SNTG1: variants seen among roughly 807,000 people sequenced by gnomAD.
SNTG1 encodes gamma-1-syntrophin.
Under a neutral mutation model 74.7 loss-of-function variants are expected in SNTG1, and 39 were observed. The ratio of observed to expected loss-of-function variants is 0.52; its 90% CI spans 0.40 to 0.68. The LOEUF (loss-of-function observed/expected upper bound fraction) is 0.68. SNTG1 is among the 30% of genes least tolerant of loss of function. The pLI is 0.00. For missense variants in SNTG1, 685 were observed against 609.5 expected, an observed-to-expected ratio of 1.12 and a Z score of -1.30; for synonymous variants, 254 against 217.1, an observed-to-expected ratio of 1.17 and a Z score of -1.49.
At chr8:50,501,861 A>G (rs2093961317) in intron 8 of SNTG1, among the ~76,000 whole-genome samples, 1 of 152,034 alleles carries the variant, frequency 6.6e-6, no homozygotes, top group African/African-American at 2.4e-5. Context: ...AACAAGATAT[A>G]TTTCCATGTT....
intron 15 of SNTG1, among the ~76,000 whole-genome samples, chr8:50,658,997 ATGTT>A (rs1184833941): frequency 4.6e-4 from 69 of 151,504 alleles, no homozygotes; most frequent in South Asian, 8.3e-4. Flanking sequence ...GGTTGTTACC[ATGTT>A]TTTTTTTTTA....
chr8:50,267,663 A>G (rs1444302367), intron 2 of SNTG1, among the ~76,000 whole-genome samples: 3 of 152,186 alleles, frequency 2.0e-5, no homozygotes, highest in Non-Finnish European at 4.4e-5. Flanking sequence ...TCAAAAGTCA[A>G]TCTATGTAAT....
rs1011986720 is a variant in SNTG1 at position 50,475,801 on chromosome 8, G to A, written c.363+25072G>A. ...GAAAATGTGACAACATAATATAAATGCATTACAAAGAAAGTGCTGACTTTG... is the reference window on the plus strand; with the variant it reads ...GAAAATGTGACAACATAATATAAATACATTACAAAGAAAGTGCTGACTTTG... On this transcript the variant is annotated intron_variant, in intron 8 of 18. Coordinates refer to ENST00000642720, the MANE Select transcript of SNTG1 (RefSeq NM_018967.5). Among the ~76,000 whole-genome samples the A allele has an allele frequency of 7.9e-5, 12 of 152,208 alleles. No individual in the cohort carries two copies. The South Asian group carries it at 2.5e-3, about 32-fold the overall frequency.
At chr8:50,362,980 G>A (rs934844269) in intron 2 of SNTG1, among the ~76,000 whole-genome samples, 1 of 152,000 alleles carries the variant, frequency 6.6e-6, no homozygotes, top group African/African-American at 2.4e-5. Flanking sequence ...GAGAAAGGAT[G>A]GAAAATGAAA....
At chr8:50,071,747 G>C (rs1036523954) in intron 1 of SNTG1, among the ~76,000 whole-genome samples, 1 of 151,500 alleles carries the variant, frequency 6.6e-6, no homozygotes, top group African/African-American at 2.4e-5. Flanking sequence ...CAAAGTGCTG[G>C]GGTTACAGGC....
At chr8:49,911,244 A>G (rs926990090), upstream of SNTG1, 1 of 152,142 alleles carries the variant, frequency 6.6e-6, no homozygotes, top group African/African-American at 2.4e-5. Context: ...GTTTTCCAAA[A>G]TATTCCTTTT....
At chr8:50,565,374 T>C (rs1333071986) in intron 12 of SNTG1, among the ~76,000 whole-genome samples, 1 of 152,022 alleles carries the variant, frequency 6.6e-6, no homozygotes, top group Non-Finnish European at 1.5e-5. Flanking sequence ...TCATAATAAA[T>C]GTGTCATTGT....
intron 1 of SNTG1, among the ~76,000 whole-genome samples, chr8:50,005,243 G>A (rs1815105259): frequency 6.6e-6 from 1 of 151,760 alleles, no homozygotes; most frequent in Non-Finnish European, 1.5e-5. Context: ...GAGCATAACA[G>A]ACATATCATC....
chr8:50,531,119 C>A (rs1416128877), intron 10 of SNTG1, among the ~76,000 whole-genome samples: 1 of 152,178 alleles, frequency 6.6e-6, no homozygotes, highest in Non-Finnish European at 1.5e-5. Context: ...TCAAAGCAAT[C>A]TTTTTGAACA....
At chr8:50,763,648 T>C (rs913723114) in intron 18 of SNTG1, among the ~76,000 whole-genome samples, 1 of 117,096 alleles carries the variant, frequency 8.5e-6, no homozygotes, top group Non-Finnish European at 1.7e-5. Flanking sequence ...ATTGCCTTTA[T>C]TGTGTGTGTG....
chr8:50,624,375 GT>G (rs2094943460), intron 13 of SNTG1, among the ~76,000 whole-genome samples: 1 of 150,670 alleles, frequency 6.6e-6, no homozygotes, highest in African/African-American at 2.4e-5. Flanking sequence ...TTATAATTTT[GT>G]TTGGCAGCTC....
At chr8:50,781,356 A>C (rs967371774) in intron 18 of SNTG1, among the ~76,000 whole-genome samples, 1 of 151,936 alleles carries the variant, frequency 6.6e-6, no homozygotes, top group Admixed American at 6.6e-5. Flanking sequence ...TTTGTAGGTC[A>C]CTCAGGACTT....
chr8:50,734,745 GTATATAGATATCTATATATATGGACATA>G lies in SNTG1; in HGVS notation c.1285-17193_1285-17166del, dbSNP rs1563792172. Among the ~76,000 whole-genome samples, 180 of 72,540 alleles carry G rather than the reference GTATATAGATATCTATATATATGGACATA, an allele frequency of 2.5e-3. 2 individuals are homozygous for G. Among genetic ancestry groups the G allele is most frequent in the Middle Eastern group, 7.9e-3 (1 of 126 alleles). 47.6% of individuals were successfully genotyped at this position (72,540 alleles called of 152,430 possible). A position where few individuals can be genotyped will look rare whatever the true frequency, so the allele number is the denominator to read the frequency against. On this transcript the variant is annotated intron_variant, in intron 17 of 18. Coordinates refer to ENST00000642720, the MANE Select transcript of SNTG1 (RefSeq NM_018967.5). ...ATTATATATCTATATATATGGACAT[GTATATAGATATCTATATATATGGACATA>G]TATATAGATATCTATATATATGGAC... is the stretch of plus-strand genomic sequence containing the variant.
At chr8:50,011,382 G>T (rs992201484) in intron 1 of SNTG1, among the ~76,000 whole-genome samples, 2 of 152,172 alleles carry the variant, frequency 1.3e-5, no homozygotes, top group Non-Finnish European at 2.9e-5. Context: ...TTAGCCCAAT[G>T]CAGGGAGGTG....
intron 2 of SNTG1, among the ~76,000 whole-genome samples, chr8:50,321,347 A>C (rs1055066215): frequency 6.6e-6 from 1 of 151,912 alleles, no homozygotes; most frequent in Admixed American, 6.6e-5. Context: ...TAAGTGTAGC[A>C]ACTCCTCCTC....
intron 2 of SNTG1, chr8:50,380,892 G>C (rs1277975741): frequency 6.6e-6 from 1 of 152,204 alleles, no homozygotes; most frequent in Non-Finnish European, 1.5e-5. Flanking sequence ...CACATCTGAT[G>C]ATGTGACAGT....
At chr8:50,398,927 G>A (rs1420678698) in intron 3 of SNTG1, among the ~76,000 whole-genome samples, 2 of 152,080 alleles carry the variant, frequency 1.3e-5, no homozygotes, top group Non-Finnish European at 2.9e-5. Context: ...GCGAAACTCT[G>A]TCTCAAGAAA....
At chr8:50,714,582 A>G (rs187927825) in intron 17 of SNTG1, among the ~76,000 whole-genome samples, 6 of 152,224 alleles carry the variant, frequency 3.9e-5, no homozygotes, top group Admixed American at 2.6e-4. Context: ...TTGCCACTCT[A>G]TCACATTCCT....
chr8:50,213,769 C>T (rs10957826), intron 2 of SNTG1, among the ~76,000 whole-genome samples: 65,121 of 151,370 alleles, frequency 0.43, 17,727 homozygotes, highest in African/African-American at 0.78. Flanking sequence ...CACCTTTTGA[C>T]GGGGTTGTCT....
Sources: gnomAD v4.1 joint callset for allele counts (sites outside exome capture counted in the v4.1 genomes callset) on GRCh38, gnomAD v4.1.1 for gene constraint, MANE v1.5 for transcripts, NCBI Gene and HGNC (gene_info 2026-07-23, HGNC 2026-07-21) for gene names.